SOX5: variants seen among roughly 807,000 people sequenced by gnomAD.
The protein encoded by SOX5 is transcription factor SOX-5.
In SOX5, 9 loss-of-function variants were observed where a neutral mutation model predicts 92.0. The ratio of observed to expected loss-of-function variants is 0.10; its 90% CI spans 0.06 to 0.17. The LOEUF is 0.17. SOX5 is among the 10% of genes least tolerant of loss of function. SOX5 has a pLI of 1.00. For synonymous variants in SOX5, 344 were observed against 336.3 expected, an observed-to-expected ratio of 1.02 and a Z score of -0.25; for missense variants, 642 against 944.5, an observed-to-expected ratio of 0.68 and a Z score of 4.20.
intron 2 of SOX5, among the ~76,000 whole-genome samples, chr12:24,294,564 A>G (rs918982828): frequency 4.6e-5 from 7 of 151,998 alleles, no homozygotes; most frequent in Admixed American, 3.9e-4. Flanking sequence ...CACACTTTCT[A>G]CCTCTCACAT....
At chr12:24,383,372 C>A (rs546448041) in intron 1 of SOX5, among the ~76,000 whole-genome samples, 1 of 152,332 alleles carries the variant, frequency 6.6e-6, no homozygotes, top group Non-Finnish European at 1.5e-5. Flanking sequence ...GAACTAAATT[C>A]ACTGTCCACA....
chr12:23,881,233 C>T (rs2137121451), intron 2 of SOX5, among the ~76,000 whole-genome samples: 1 of 152,290 alleles, frequency 6.6e-6, no homozygotes, highest in African/African-American at 2.4e-5. Flanking sequence ...GGGACATGCT[C>T]AAGTCGATTT....
chr12:23,559,591 C>T (rs1432276269), intron 11 of SOX5, among the ~76,000 whole-genome samples: 1 of 152,204 alleles, frequency 6.6e-6, no homozygotes, highest in East Asian at 1.9e-4. Context: ...CCTATCTTCA[C>T]ACCTCTAATT....
intron 1 of SOX5, among the ~76,000 whole-genome samples, chr12:23,915,983 G>A (rs572366539): frequency 2.0e-5 from 3 of 152,228 alleles, no homozygotes; most frequent in Non-Finnish European, 4.4e-5. Context: ...TCTTAAGTTT[G>A]GCTTAGATTG....
intron 4 of SOX5, among the ~76,000 whole-genome samples, chr12:24,044,906 TA>T (rs1166041866): frequency 4.6e-5 from 7 of 152,172 alleles, no homozygotes; most frequent in African/African-American, 1.4e-4. Flanking sequence ...AAAAGCAAAA[TA>T]ATCAGCATTA....
intron 3 of SOX5, among the ~76,000 whole-genome samples, chr12:23,789,233 T>TAA (rs34760496): frequency 3.6e-4 from 54 of 148,442 alleles, no homozygotes; most frequent in South Asian, 1.3e-3. Flanking sequence ...TTCTTTGAAA[T>TAA]AAAAAAAAAA....
chr12:24,095,420 CTTATTTATTTATTTATTTATTTAT>C (rs146858914), intron 4 of SOX5, among the ~76,000 whole-genome samples: 1 of 140,216 alleles, frequency 7.1e-6, no homozygotes, highest in East Asian at 2.1e-4. Context: ...TGCCCTCTCC[CTTATTTATTTATTTATTTATTTAT>C]TTATTTATTT....
chr12:24,552,082 C>A (rs1297666524), intron 1 of SOX5, among the ~76,000 whole-genome samples: 1 of 152,236 alleles, frequency 6.6e-6, no homozygotes, highest in Non-Finnish European at 1.5e-5. Context: ...GGCCCCCTTC[C>A]CCACTCCCCA....
At chr12:23,574,522 AT>A (rs1948832568) in intron 10 of SOX5, among the ~76,000 whole-genome samples, 2 of 152,166 alleles carry the variant, frequency 1.3e-5, no homozygotes, top group Non-Finnish European at 2.9e-5. Flanking sequence ...TTGTGACTGA[AT>A]TATGTCAATT....
chr12:23,665,615 G>A, intron 6 of SOX5, 51 bp from the exon 7 acceptor site: 2 of 1,550,428 alleles, frequency 1.3e-6, no homozygotes, highest in Non-Finnish European at 1.7e-6. Flanking sequence ...GATGCTCCAT[G>A]CTTCTTCCCA....
chr12:24,468,959 G>A (rs888561884), intron 1 of SOX5, among the ~76,000 whole-genome samples: 4 of 152,166 alleles, frequency 2.6e-5, no homozygotes, highest in Admixed American at 1.3e-4. Context: ...TGGAAGGATG[G>A]TTTGAGGATG....
intron 3 of SOX5, among the ~76,000 whole-genome samples, chr12:24,248,118 G>C (rs2140132835): frequency 6.6e-6 from 1 of 152,314 alleles, no homozygotes; most frequent in South Asian, 2.1e-4. Flanking sequence ...GATTGAGAAG[G>C]TTCTGGATTG....
chr12:23,671,593 C>T (rs1043931364), intron 6 of SOX5, among the ~76,000 whole-genome samples: 6 of 152,022 alleles, frequency 3.9e-5, no homozygotes, highest in South Asian at 2.1e-4. Context: ...CTTCAATGAC[C>T]GCTAATAGTC....
At chr12:24,439,894 C>CAATA (rs35530047) in intron 1 of SOX5, among the ~76,000 whole-genome samples, 15,547 of 151,904 alleles carry the variant, frequency 0.1, 941 homozygotes, top group South Asian at 0.18. Context: ...GACTCCATCT[C>CAATA]AATAAATAAA....
chr12:23,942,295 G>A (rs1376248505), intron 1 of SOX5, among the ~76,000 whole-genome samples: 1 of 151,792 alleles, frequency 6.6e-6, no homozygotes, highest in African/African-American at 2.4e-5. Context: ...AAGATCTTAT[G>A]TAAAAGTTTC....
intron 14 of SOX5, among the ~76,000 whole-genome samples, chr12:23,535,402 C>G (rs1477873738): frequency 6.6e-6 from 1 of 152,190 alleles, no homozygotes; most frequent in Non-Finnish European, 1.5e-5. Context: ...TGCAACTGCA[C>G]TAAGGTCCCA....
intron 2 of SOX5, among the ~76,000 whole-genome samples, chr12:24,342,967 A>AC (rs1334004177): frequency 6.6e-6 from 1 of 152,264 alleles, no homozygotes; most frequent in African/African-American, 2.4e-5. Context: ...ATGTCGCTAA[A>AC]TACTTACTCA....
chr12:24,332,224 G>GA (rs1565923507), intron 2 of SOX5, among the ~76,000 whole-genome samples: 3 of 152,090 alleles, frequency 2.0e-5, no homozygotes, highest in Non-Finnish European at 4.4e-5. Context: ...TAAAGAGGAG[G>GA]AAAAAACCAC....
intron 4 of SOX5, among the ~76,000 whole-genome samples, chr12:24,190,908 C>T (rs1160824092): frequency 6.6e-6 from 1 of 151,914 alleles, no homozygotes; most frequent in East Asian, 1.9e-4. Flanking sequence ...AAAACAGAAT[C>T]AAATAAGACA....
Sources: gnomAD v4.1 joint callset for allele counts (sites outside exome capture counted in the v4.1 genomes callset) on GRCh38, gnomAD v4.1.1 for gene constraint, MANE v1.5 for transcripts, NCBI Gene and HGNC (gene_info 2026-07-23, HGNC 2026-07-21) for gene names.